Variants in GPR137C observed in about 807,000 individuals in gnomAD.
GPR137C encodes the protein integral membrane protein GPR137C.
GPR137C carries 27 observed loss-of-function variants against 43.4 expected under a neutral mutation model. The ratio of observed to expected loss-of-function variants is 0.62; its 90% CI spans 0.46 to 0.86. The LOEUF is 0.86. GPR137C is among the 40% of genes least tolerant of loss of function. The pLI, the probability that GPR137C is intolerant of heterozygous loss-of-function variation, is 0.00. For synonymous variants in GPR137C, 285 were observed against 226.9 expected, an observed-to-expected ratio of 1.26 and a Z score of -2.30; for missense variants, 522 against 534.6, an observed-to-expected ratio of 0.98 and a Z score of 0.23.
intron 3 of GPR137C, among the ~76,000 whole-genome samples, chr14:52,626,873 C>CA (rs1046059956): frequency 3.3e-5 from 5 of 150,978 alleles, no homozygotes; most frequent in Non-Finnish European, 4.4e-5. Flanking sequence ...AATAGTAGCT[C>CA]AAAAAAAAGA....
At chr14:52,581,388 T>C (rs1168986974) in intron 1 of GPR137C, among the ~76,000 whole-genome samples, 5 of 135,830 alleles carry the variant, frequency 3.7e-5, no homozygotes, top group Admixed American at 1.5e-4. Flanking sequence ...AAAAAAAAAA[T>C]AGCTGGGCAT....
intron 1 of GPR137C, among the ~76,000 whole-genome samples, chr14:52,556,525 A>G (rs903039843): frequency 1.3e-5 from 2 of 151,886 alleles, no homozygotes; most frequent in African/African-American, 4.8e-5. Context: ...AGAGGGGGAA[A>G]AAAAAAAGAA....
intron 3 of GPR137C, among the ~76,000 whole-genome samples, chr14:52,629,592 G>T (rs1195978513): frequency 6.6e-6 from 1 of 152,138 alleles, no homozygotes; most frequent in Non-Finnish European, 1.5e-5. Flanking sequence ...ACATACAAGA[G>T]TTCATATTCT....
intron 3 of GPR137C, chr14:52,613,690 T>C: frequency 3.4e-6 from 1 of 290,386 alleles, no homozygotes; most frequent in Non-Finnish European, 7.0e-6. Context: ...TCTCATTCTT[T>C]CTTATGGCTG....
intron 3 of GPR137C, among the ~76,000 whole-genome samples, chr14:52,606,013 T>G (rs1335550366): frequency 6.6e-6 from 1 of 152,196 alleles, no homozygotes; most frequent in Non-Finnish European, 1.5e-5. Context: ...TTTTGTTGTT[T>G]GTCTCTTTTC....
At chr14:52,564,585 A>G (rs1304060270) in intron 1 of GPR137C, among the ~76,000 whole-genome samples, 2 of 151,980 alleles carry the variant, frequency 1.3e-5, no homozygotes, top group Non-Finnish European at 2.9e-5. Context: ...TCACTCAACT[A>G]CTCAAGTTAG....
At chr14:52,573,127 C>T (rs1320418763) in intron 1 of GPR137C, among the ~76,000 whole-genome samples, 6 of 152,142 alleles carry the variant, frequency 3.9e-5, no homozygotes, top group South Asian at 2.1e-4. Flanking sequence ...GAATCAATGT[C>T]GTGAAAATGG....
intron 1 of GPR137C, among the ~76,000 whole-genome samples, chr14:52,562,606 A>G (rs2038303192): frequency 6.6e-6 from 1 of 152,182 alleles, no homozygotes; most frequent in Non-Finnish European, 1.5e-5. Flanking sequence ...AAAAACAGCA[A>G]ACAAAAAACA....
Position 52,615,838 on chromosome 14 carries a change from A to G in GPR137C, c.717+15497A>G, listed in dbSNP as rs1437737560. Among the ~76,000 whole-genome samples the G allele has an allele frequency of 4.6e-5, 7 of 152,268 alleles. No individual in the cohort carries two copies. In the South Asian group the frequency reaches 6.2e-4, roughly 14 times the overall value. On this transcript the variant is annotated intron_variant, in intron 3 of 6. Transcript: ENST00000321662. ...TGTATCCTGCTATTTTTTAATTTGT[A>G]TTTATTAAGCAACTGAAACAGTGCT...
chr14:52,605,632 AG>A (rs2038975707), intron 3 of GPR137C, among the ~76,000 whole-genome samples: 1 of 152,216 alleles, frequency 6.6e-6, no homozygotes, highest in Non-Finnish European at 1.5e-5. Flanking sequence ...TCCAGATTTT[AG>A]TGGAAAGGCT....
chr14:52,590,386 A>G (rs948182451), intron 1 of GPR137C, among the ~76,000 whole-genome samples: 10 of 152,232 alleles, frequency 6.6e-5, no homozygotes, highest in African/African-American at 2.2e-4. Context: ...TTAAAAAGTT[A>G]TAGTAAGCTG....
At chr14:52,553,949 C>T (rs968288147) in intron 1 of GPR137C, among the ~76,000 whole-genome samples, 3 of 152,178 alleles carry the variant, frequency 2.0e-5, no homozygotes, top group African/African-American at 4.8e-5. Flanking sequence ...GGTGGCTCTG[C>T]CGAAGCCGGA....
intron 2 of GPR137C, 59 bp from the exon 3 acceptor site, chr14:52,600,054 G>T (rs2038904935): frequency 8.9e-7 from 1 of 1,119,604 alleles, no homozygotes; most frequent in Non-Finnish European, 1.3e-6. Flanking sequence ...CACTAATGCA[G>T]AATTAAATTT....
intron 1 of GPR137C, among the ~76,000 whole-genome samples, chr14:52,569,182 C>T (rs1462684829): frequency 6.6e-6 from 1 of 152,136 alleles, no homozygotes; most frequent in Non-Finnish European, 1.5e-5. Context: ...CTCCAGCAGA[C>T]CTGCACCGGA....
At chr14:52,573,401 A>G (rs891500392) in intron 1 of GPR137C, among the ~76,000 whole-genome samples, 2 of 152,176 alleles carry the variant, frequency 1.3e-5, no homozygotes, top group Non-Finnish European at 2.9e-5. Flanking sequence ...CAGAACAGAG[A>G]CATCAGAAAT....
At chr14:52,570,702 C>G (rs1229347499) in intron 1 of GPR137C, among the ~76,000 whole-genome samples, 1 of 152,134 alleles carries the variant, frequency 6.6e-6, no homozygotes, top group Admixed American at 6.5e-5. Context: ...CAATCCTAGT[C>G]TCTGATAAAG....
At chr14:52,577,892 G>A (rs2038586753) in intron 1 of GPR137C, among the ~76,000 whole-genome samples, 1 of 151,992 alleles carries the variant, frequency 6.6e-6, no homozygotes, top group South Asian at 2.1e-4. Context: ...TTGAGCCTGG[G>A]AGGCAGAGGT....
At chr14:52,596,092 G>A (rs1370567422) in intron 1 of GPR137C, among the ~76,000 whole-genome samples, 3 of 152,208 alleles carry the variant, frequency 2.0e-5, no homozygotes, top group African/African-American at 7.2e-5. Flanking sequence ...CTGTAGGTCT[G>A]TTGGAGTTTG....
chr14:52,570,992 A>G (rs2038458797), intron 1 of GPR137C, among the ~76,000 whole-genome samples: 1 of 152,222 alleles, frequency 6.6e-6, no homozygotes, highest in Non-Finnish European at 1.5e-5. Context: ...AGCAGACCTA[A>G]TAGACAGCTA....
Sources: gnomAD v4.1 joint callset for allele counts (sites outside exome capture counted in the v4.1 genomes callset) on GRCh38, gnomAD v4.1.1 for gene constraint, MANE v1.5 for transcripts, NCBI Gene and HGNC (gene_info 2026-07-23, HGNC 2026-07-21) for gene names.